Variants in CDH4 observed in about 807,000 individuals in gnomAD.
CDH4 encodes the protein cadherin-4.
Under a neutral mutation model 86.0 loss-of-function variants are expected in CDH4, and 33 were observed. The observed-to-expected ratio is 0.38, with a 90% CI of 0.29 to 0.51. The LOEUF (loss-of-function observed/expected upper bound fraction) is 0.51, where lower values mean the gene tolerates loss of function less well. Ranked by LOEUF, CDH4 falls within the 20% of genes least tolerant of loss-of-function variation. CDH4 has a pLI of 0.86. For missense variants in CDH4, 1,114 were observed against 1,307.4 expected, an observed-to-expected ratio of 0.85 and a Z score of 2.28; for synonymous variants, 555 against 549.4, an observed-to-expected ratio of 1.01 and a Z score of -0.14.
chr20:61,383,506 G>GATATATATGAATATGTATGA (rs2084925351), intron 2 of CDH4, among the ~76,000 whole-genome samples: 1 of 63,540 alleles, frequency 1.6e-5, no homozygotes, highest in Non-Finnish European at 2.9e-5. Flanking sequence ...TATTATATAT[G>GATATATATGAATATGTATGA]ATATATATGA....
intron 2 of CDH4, among the ~76,000 whole-genome samples, chr20:61,652,938 A>ATTTATTTATTTTTTTTT (rs1555819716): frequency 9.2e-5 from 9 of 97,430 alleles, no homozygotes; most frequent in South Asian, 3.0e-4. Flanking sequence ...TTATTTATTT[A>ATTTATTTATTTTTTTTT]TTTTTTTTTT....
chr20:61,411,101 G>C (rs1244436464), intron 2 of CDH4, among the ~76,000 whole-genome samples: 1 of 140,414 alleles, frequency 7.1e-6, no homozygotes, highest in Non-Finnish European at 1.5e-5. Flanking sequence ...TATTCTTCCA[G>C]TCATTCATCC....
intron 2 of CDH4, among the ~76,000 whole-genome samples, chr20:61,396,801 G>A (rs1434057577): frequency 2.0e-5 from 3 of 152,232 alleles, no homozygotes; most frequent in South Asian, 2.1e-4. Flanking sequence ...GGGAGATGCC[G>A]GGGGCTGGAA....
intron 2 of CDH4, among the ~76,000 whole-genome samples, chr20:61,481,158 C>T (rs553768444): frequency 2.8e-4 from 42 of 152,352 alleles, no homozygotes; most frequent in African/African-American, 9.9e-4. Context: ...TTCTCAACTG[C>T]AGTTTCACCC....
intron 2 of CDH4, among the ~76,000 whole-genome samples, chr20:61,431,760 T>C: frequency 6.6e-6 from 1 of 152,146 alleles, no homozygotes; most frequent in Non-Finnish European, 1.5e-5. Context: ...GGCATTTCCA[T>C]TCCTCCCAAA....
chr20:61,770,085 G>GGGAGAATGT (rs1383032376), intron 3 of CDH4, among the ~76,000 whole-genome samples: 1 of 152,146 alleles, frequency 6.6e-6, no homozygotes, highest in African/African-American at 2.4e-5. Context: ...CTGGGTTCCG[G>GGGAGAATGT]GGAGAATGTG....
At chr20:61,765,404 C>T (rs879705586) in intron 3 of CDH4, among the ~76,000 whole-genome samples, 2 of 152,214 alleles carry the variant, frequency 1.3e-5, no homozygotes, top group Non-Finnish European at 2.9e-5. Context: ...CAGTCAATGG[C>T]TGTACATGAT....
chr20:61,714,027 T>TTTTA (rs1318521161), intron 2 of CDH4, among the ~76,000 whole-genome samples: 2 of 133,418 alleles, frequency 1.5e-5, no homozygotes, highest in African/African-American at 7.2e-5. Context: ...TCTTTTTTTA[T>TTTTA]TTTATTTTAT....
chr20:61,271,312 C>T (rs1312504879), intron 2 of CDH4, among the ~76,000 whole-genome samples: 9 of 152,148 alleles, frequency 5.9e-5, no homozygotes, highest in East Asian at 1.9e-4. Context: ...GCCTGGCTTC[C>T]GAAATAATTG....
At chr20:61,818,837 C>A (rs1486803813) in intron 4 of CDH4, among the ~76,000 whole-genome samples, 3 of 151,910 alleles carry the variant, frequency 2.0e-5, no homozygotes, top group Admixed American at 1.3e-4. Flanking sequence ...TTTATCCACA[C>A]CCCCTGCGCC....
chr20:61,622,653 G>A (rs902904876), intron 2 of CDH4, among the ~76,000 whole-genome samples: 1 of 152,258 alleles, frequency 6.6e-6, no homozygotes, highest in Non-Finnish European at 1.5e-5. Context: ...GGGACAGCAT[G>A]CCACTGGAGT....
In CDH4 at chr20:61,726,832, A is replaced by ATCATCACCATTG. The variant is rs1568780561; in HGVS notation, c.170-16731_170-16730insTCATCACCATTG. ...CACCATTGCTGCCATCATCACCATC[A>ATCATCACCATTG]CTGCCATCATCACCATCACTGCCAT... On this transcript the variant is annotated intron_variant, in intron 2 of 15. Transcript: ENST00000614565. Among the ~76,000 whole-genome samples, 7 of 14,890 alleles carry ATCATCACCATTG rather than the reference A, an allele frequency of 4.7e-4. No homozygotes were observed. In the African/African-American group the frequency reaches 6.3e-3, roughly 13 times the overall value. The allele number at this position is 14,890 out of a possible 152,430, so 9.8% of individuals were successfully genotyped here.
chr20:61,711,222 C>T (rs2087889294), intron 2 of CDH4, among the ~76,000 whole-genome samples: 1 of 152,180 alleles, frequency 6.6e-6, no homozygotes, highest in African/African-American at 2.4e-5. Context: ...TCCTTCCTGC[C>T]TTCTTGTGAA....
At chr20:61,650,611 C>T (rs535315665) in intron 2 of CDH4, among the ~76,000 whole-genome samples, 1 of 152,286 alleles carries the variant, frequency 6.6e-6, no homozygotes, top group East Asian at 1.9e-4. Context: ...AGGACACACC[C>T]TGGCATGAGA....
Position 61,549,437 on chromosome 20 carries a change from TGCTAAACTGGGA to T in CDH4, c.170-194123_170-194112del, listed in dbSNP as rs531916860. Among the ~76,000 whole-genome samples, 437 of 151,792 alleles carry T rather than the reference TGCTAAACTGGGA, an allele frequency of 2.9e-3. 4 individuals are homozygous for T. The highest frequency in any genetic ancestry group is 0.01 in the Middle Eastern group (3 of 294). ...TCAAGATCCACATACAAAGCAACAGTGCTAAACTGGGAGCGTCTTTTTAAAAATTACTAGAAG... is the reference window on the plus strand; with the variant it reads ...TCAAGATCCACATACAAAGCAACAGTGCGTCTTTTTAAAAATTACTAGAAG... On this transcript the variant is annotated intron_variant, in intron 2 of 15. Transcript: ENST00000614565.
intron 2 of CDH4, among the ~76,000 whole-genome samples, chr20:61,490,067 T>G (rs951324288): frequency 6.6e-6 from 1 of 152,210 alleles, no homozygotes; most frequent in Non-Finnish European, 1.5e-5. Flanking sequence ...TGGTTCTTGG[T>G]TTTTGTTTCA....
At chr20:61,565,292 G>GGGAGGTGA (rs2086278381) in intron 2 of CDH4, among the ~76,000 whole-genome samples, 1 of 63,424 alleles carries the variant, frequency 1.6e-5, no homozygotes, top group Admixed American at 1.4e-4. Flanking sequence ...TGGGGTGATG[G>GGGAGGTGA]TGGTGGCGGT....
At chr20:61,330,085 C>T (rs894315484) in intron 2 of CDH4, among the ~76,000 whole-genome samples, 11 of 152,164 alleles carry the variant, frequency 7.2e-5, no homozygotes, top group Non-Finnish European at 1.2e-4. Flanking sequence ...TCCAGTCTAT[C>T]ATTGATGGGC....
At chr20:61,280,864 C>T (rs1285872073) in intron 2 of CDH4, among the ~76,000 whole-genome samples, 4 of 152,164 alleles carry the variant, frequency 2.6e-5, no homozygotes, top group Non-Finnish European at 5.9e-5. Flanking sequence ...CCTGTTCCCC[C>T]GAGTGAAGGA....
Sources: gnomAD v4.1 joint callset for allele counts (sites outside exome capture counted in the v4.1 genomes callset) on GRCh38, gnomAD v4.1.1 for gene constraint, MANE v1.5 for transcripts, NCBI Gene and HGNC (gene_info 2026-07-23, HGNC 2026-07-21) for gene names.